Variants in MGAT4C observed in about 807,000 individuals in gnomAD.
MGAT4C encodes alpha-1,3-mannosyl-glycoprotein 4-beta-N-acetylglucosaminyltransferase C.
In MGAT4C, 19 loss-of-function variants were observed where a neutral mutation model predicts 40.1. The observed-to-expected ratio is 0.47, with a 90% CI of 0.33 to 0.70. MGAT4C has a LOEUF of 0.70. Ranked by LOEUF, MGAT4C falls within the 30% of genes least tolerant of loss-of-function variation. MGAT4C has a pLI of 0.02. For missense variants in MGAT4C, 491 were observed against 563.2 expected (o/e 0.87, Z 1.30); for synonymous variants, 181 against 187.1 (o/e 0.97, Z 0.27).
chr12:86,509,064 A>C (rs1454503202), intron 2 of MGAT4C, among the ~76,000 whole-genome samples: 1 of 151,592 alleles, frequency 6.6e-6, no homozygotes, highest in African/African-American at 2.4e-5. Flanking sequence ...CTTTAGTTTA[A>C]TTAGATCCCA....
rs969020547 is a variant in MGAT4C, at chr12:86,722,916, G to T, written c.-229+4293C>A. On this transcript the variant is annotated intron_variant, in intron 2 of 7. Transcript: ENST00000548651. ...GATACATTTTAGTAGGGAGCATATG[G>T]TATGCATATGGAAAATATAGGTCCA... Among the ~76,000 whole-genome samples the T allele has an allele frequency of 2.0e-5, 3 of 152,234 alleles. No individual in the cohort carries two copies. In the East Asian group the frequency reaches 5.8e-4, roughly 29 times the overall value.
intron 1 of MGAT4C, among the ~76,000 whole-genome samples, chr12:86,769,575 T>C (rs962886194): frequency 5.9e-5 from 9 of 152,178 alleles, no homozygotes; most frequent in African/African-American, 2.2e-4. Flanking sequence ...CGTATGTTTA[T>C]TGCAGCACTA....
chr12:86,427,969 G>A (rs1284208073), intron 3 of MGAT4C, among the ~76,000 whole-genome samples: 1 of 151,964 alleles, frequency 6.6e-6, no homozygotes, highest in African/African-American at 2.4e-5. Context: ...GCTGTGAGCT[G>A]AGATCGTGTC....
chr12:86,625,586 A>G (rs910475053), intron 2 of MGAT4C, among the ~76,000 whole-genome samples: 5 of 152,134 alleles, frequency 3.3e-5, no homozygotes, highest in Non-Finnish European at 7.4e-5. Context: ...AAGAAAATGA[A>G]TAAAGAGAAT....
chr12:86,510,497 C>A (rs1958555522), intron 2 of MGAT4C, among the ~76,000 whole-genome samples: 2 of 152,056 alleles, frequency 1.3e-5, no homozygotes, highest in African/African-American at 4.8e-5. Flanking sequence ...ACAATATTAA[C>A]CTTAAATGTA....
intron 2 of MGAT4C, among the ~76,000 whole-genome samples, chr12:86,547,863 T>C (rs1959206718): frequency 6.6e-6 from 1 of 152,160 alleles, no homozygotes; most frequent in Admixed American, 6.5e-5. Flanking sequence ...AAGACATGAA[T>C]TCACTTTACA....
intron 2 of MGAT4C, among the ~76,000 whole-genome samples, chr12:86,638,149 A>G (rs1963276569): frequency 6.6e-6 from 1 of 151,872 alleles, no homozygotes; most frequent in South Asian, 2.1e-4. Flanking sequence ...TACTGCATAT[A>G]ATATGGCAGA....
chr12:86,466,020 C>T (rs987070837), intron 2 of MGAT4C, among the ~76,000 whole-genome samples: 3 of 151,950 alleles, frequency 2.0e-5, no homozygotes, highest in African/African-American at 7.3e-5. Flanking sequence ...ACCAGCCTGT[C>T]CAGCATGATG....
At chr12:86,418,001 T>G (rs1448751048) in intron 3 of MGAT4C, among the ~76,000 whole-genome samples, 1 of 152,172 alleles carries the variant, frequency 6.6e-6, no homozygotes, top group Non-Finnish European at 1.5e-5. Flanking sequence ...GAGACAAGAC[T>G]AGAGTCCTAT....
intron 1 of MGAT4C, among the ~76,000 whole-genome samples, chr12:86,111,590 T>G (rs1387270510): frequency 2.0e-5 from 3 of 151,864 alleles, no homozygotes; most frequent in Non-Finnish European, 4.4e-5. Flanking sequence ...TTTCCTGCAC[T>G]GTAGATATGT....
chr12:86,196,043 A>G (rs143494366), intron 1 of MGAT4C, among the ~76,000 whole-genome samples: 4 of 152,330 alleles, frequency 2.6e-5, no homozygotes, highest in African/African-American at 9.6e-5. Flanking sequence ...CTATAACAAA[A>G]CATCACAGAC....
chr12:86,127,475 T>G (rs1880474357), intron 1 of MGAT4C, among the ~76,000 whole-genome samples: 1 of 152,120 alleles, frequency 6.6e-6, no homozygotes, highest in South Asian at 2.1e-4. Flanking sequence ...ACTTCATAAG[T>G]GCTATACACT....
In MGAT4C at chr12:86,110,299, T is replaced by TATATATATAGA. The variant is rs1421581282; in HGVS notation, c.-56-60577_-56-60576insTCTATATATAT. On this transcript the variant is annotated intron_variant, in intron 1 of 4. Coordinates refer to ENST00000611864, the MANE Select transcript of MGAT4C (RefSeq NM_001351288.2). Reference sequence around the variant, plus strand: ...ATATAGTCTATATATATATAGTCTCTCTATATATATATATATATAGTCTCT... The same window carrying TATATATATAGA: ...ATATAGTCTATATATATATAGTCTCTATATATATAGACTATATATATATATATATAGTCTCT... Among the ~76,000 whole-genome samples, 43 of 13,162 alleles carry TATATATATAGA rather than the reference T, an allele frequency of 3.3e-3. 6 individuals are homozygous for TATATATATAGA. The East Asian group carries it at 0.06, about 18-fold the overall frequency. 8.6% of individuals were successfully genotyped at this position (13,162 alleles called of 152,430 possible).
At chr12:86,750,053 T>C (rs1055126563) in intron 1 of MGAT4C, among the ~76,000 whole-genome samples, 1 of 151,814 alleles carries the variant, frequency 6.6e-6, no homozygotes, top group Admixed American at 6.6e-5. Flanking sequence ...ATGACTGAAC[T>C]GAAATGAGGT....
At chr12:86,734,761 T>A (rs577995432) in intron 1 of MGAT4C, among the ~76,000 whole-genome samples, 1 of 152,052 alleles carries the variant, frequency 6.6e-6, no homozygotes, top group Non-Finnish European at 1.5e-5. Context: ...AATAAATGAT[T>A]GTTGTTGAAG....
intron 1 of MGAT4C, among the ~76,000 whole-genome samples, chr12:86,236,363 TTC>T (rs1234598282): frequency 1.3e-5 from 2 of 152,000 alleles, no homozygotes; most frequent in East Asian, 3.9e-4. Flanking sequence ...GATATTGCAT[TTC>T]TGTGTCTTTA....
At chr12:86,442,540 T>C (rs1467746492) in intron 2 of MGAT4C, among the ~76,000 whole-genome samples, 1 of 152,074 alleles carries the variant, frequency 6.6e-6, no homozygotes, top group African/African-American at 2.4e-5. Flanking sequence ...AAGGAAGGGA[T>C]CCAGTTTCAG....
intron 1 of MGAT4C, among the ~76,000 whole-genome samples, chr12:86,797,007 CT>C: frequency 6.6e-6 from 1 of 151,948 alleles, no homozygotes; most frequent in East Asian, 1.9e-4. Context: ...GATGGCTTAT[CT>C]TTTTGACTAA....
At chr12:86,639,212 CT>C (rs1555214069) in intron 2 of MGAT4C, among the ~76,000 whole-genome samples, 3 of 151,608 alleles carry the variant, frequency 2.0e-5, no homozygotes, top group Non-Finnish European at 4.4e-5. Flanking sequence ...AAAAATCCAT[CT>C]GATAATGAAG....
Sources: gnomAD v4.1 joint callset for allele counts (sites outside exome capture counted in the v4.1 genomes callset) on GRCh38, gnomAD v4.1.1 for gene constraint, MANE v1.5 for transcripts, NCBI Gene and HGNC (gene_info 2026-07-23, HGNC 2026-07-21) for gene names.